Variants in ZNF483 observed in about 807,000 individuals in gnomAD.
ZNF483 encodes the protein zinc finger protein 483.
A neutral mutation model predicts 28.6 loss-of-function variants in ZNF483; 9 were observed. The ratio of observed to expected loss-of-function variants is 0.32; its 90% confidence interval spans 0.19 to 0.55. The LOEUF (loss-of-function observed/expected upper bound fraction) is 0.55, where lower values mean the gene tolerates loss of function less well. ZNF483 is among the 20% of genes least tolerant of loss of function. The pLI is 0.93. For synonymous variants in ZNF483, 322 were observed against 306.2 expected (o/e 1.05, Z -0.54); for missense variants, 675 against 871.7 (o/e 0.77, Z 2.84).
chr9:111,562,032 C>A (rs1828339743), intron 5 of ZNF483, among the ~76,000 whole-genome samples: 1 of 151,882 alleles, frequency 6.6e-6, no homozygotes, highest in Non-Finnish European at 1.5e-5. Context: ...ATTACAGGCA[C>A]CCGCTACCAT....
At chr9:111,534,427 G>T in intron 5 of ZNF483, 74 bp downstream of exon 5, 1 of 1,262,316 alleles carries the variant, frequency 7.9e-7, no homozygotes, top group South Asian at 1.2e-5. Context: ...TCTTTGAAAT[G>T]TTGGGCTGCC....
downstream of ZNF483, among the ~76,000 whole-genome samples, chr9:111,556,018 T>C (rs1027310048): frequency 6.6e-6 from 1 of 152,230 alleles, no homozygotes; most frequent in Non-Finnish European, 1.5e-5. Context: ...TATGAGCCTG[T>C]AAAATCACAA....
At chr9:111,567,111 C>T (rs72748038) in intron 5 of ZNF483, among the ~76,000 whole-genome samples, 4,749 of 150,474 alleles carry the variant, frequency 0.032, 90 homozygotes, top group Non-Finnish European at 0.048. Flanking sequence ...AGTCGGGGGG[C>T]GTGGGATATG....
In ZNF483 at chr9:111,529,016, C is replaced by T. The variant is rs568328357; in HGVS notation, c.412+1209C>T. On this transcript the variant is annotated intron_variant, in intron 2 of 5. Transcript: ENST00000309235. ...AAACTCAGGCAGGTGTGGTGGTGCA[C>T]GCCTGTAATCCCAGCTACTCTGGAG... 3.3e-5 allele frequency among the ~76,000 whole-genome samples: 5 copies of T among 152,136 alleles called. No homozygotes were observed. The South Asian group carries it at 1.0e-3, about 32-fold the overall frequency.
chr9:111,556,687 CTGT>C (rs1024845198), downstream of ZNF483, among the ~76,000 whole-genome samples: 1 of 152,210 alleles, frequency 6.6e-6, no homozygotes, highest in African/African-American at 2.4e-5. Flanking sequence ...GATTTCCCTC[CTGT>C]TGTTCTCATG....
At chr9:111,570,003 G>A in intron 5 of ZNF483, 1 of 1,579,986 alleles carries the variant, frequency 6.3e-7, no homozygotes, top group Non-Finnish European at 8.6e-7. Flanking sequence ...GGCAGAGATG[G>A]GGAAGAATTG....
At chr9:111,560,576 G>A (rs1416276362) in intron 5 of ZNF483, among the ~76,000 whole-genome samples, 1 of 144,214 alleles carries the variant, frequency 6.9e-6, no homozygotes, top group African/African-American at 2.6e-5. Context: ...GGGAGGCGGA[G>A]GTTGCAGTGA....
downstream of ZNF483, among the ~76,000 whole-genome samples, chr9:111,557,985 A>G (rs1251173180): frequency 1.3e-5 from 2 of 152,266 alleles, no homozygotes; most frequent in East Asian, 3.9e-4. Flanking sequence ...TGTCTCTACT[A>G]AAAATACAAA....
At chr9:111,577,391 A>G (rs1314834876) in exon 6 of ZNF483, 1 of 152,184 alleles carries the variant, frequency 6.6e-6, no homozygotes, top group Non-Finnish European at 1.5e-5. Flanking sequence ...CCACTTTGCA[A>G]AACAGTTTGA....
Position 111,544,071 on chromosome 9 carries a change from TTTTTC to T in ZNF483, c.*906_*910del. ...GTATTTTAATCGGACAAGGGAACTC[TTTTTC>T]TTTTGGGCATTGGCCAACAGGACTG... On this transcript the variant is annotated 3_prime_UTR_variant, in exon 6 of 6. Transcript: ENST00000309235. The T allele has an allele frequency of 2.0e-6, 2 of 985,198 alleles. No individual in the cohort carries two copies. Among genetic ancestry groups the T allele is most frequent in the Non-Finnish European group, 2.4e-6 (2 of 829,946 alleles). The allele number at this position is 985,198 out of a possible 1,614,324, so 61.0% of individuals were successfully genotyped here.
rs368827456 is a variant in ZNF483, at chr9:111,561,084, A to AATAT, written c.722-15257_722-15254dup. On this transcript the variant is annotated intron_variant, in intron 5 of 5. Coordinates refer to the ZNF483 transcript ENST00000358151. ...GGCAACAGAGTGAGACTCCATCTAA[A>AATAT]ATATATATATATATATATATATATA... 2.6e-3 allele frequency among the ~76,000 whole-genome samples: 53 copies of AATAT among 20,330 alleles called. 3 individuals carry two copies. Among genetic ancestry groups the AATAT allele is most frequent in the Admixed American group, 3.9e-3 (7 of 1,806 alleles). 13.3% of individuals were successfully genotyped at this position (20,330 alleles called of 152,430 possible). A position where few individuals can be genotyped will look rare whatever the true frequency, so the allele number is the denominator to read the frequency against.
chr9:111,559,046 C>A (rs1410328391), downstream of ZNF483, among the ~76,000 whole-genome samples: 3 of 152,124 alleles, frequency 2.0e-5, no homozygotes, highest in Admixed American at 6.5e-5. Flanking sequence ...GTTAGTCTTT[C>A]CTTCCCAAAG....
In ZNF483 at chr9:111,531,412, C is replaced by T. The variant is rs564283460; in HGVS notation, c.501+449C>T. 4.6e-5 allele frequency among the ~76,000 whole-genome samples: 7 copies of T among 152,068 alleles called. No individual in the cohort carries two copies. The East Asian group carries it at 7.7e-4, about 17-fold the overall frequency. On this transcript the variant is annotated intron_variant, in intron 3 of 5. Transcript: ENST00000309235. The stretch of plus-strand genomic sequence containing the variant: ...TCTTTCTTGAGACAGAGTTTTACTC[C>T]GTTGCCCAGGCTGGAGTGCGGTGGC...
intron 5 of ZNF483, among the ~76,000 whole-genome samples, chr9:111,568,096 C>T (rs959646401): frequency 2.0e-5 from 3 of 152,164 alleles, no homozygotes; most frequent in East Asian, 3.9e-4. Context: ...AGAATAACAG[C>T]GATTTTCAGG....
At position 111,541,348 on chromosome 9, in the gene ZNF483, C is replaced by G. The variant is rs573582238; in HGVS notation, c.722-309C>G. ...TCATGATCTCCCTGCCTTGGCCTCC[C>G]AAAGTGCTGAGATTACAGGCATGAG... is the stretch of plus-strand genomic sequence containing the variant. On this transcript the variant is annotated intron_variant, in intron 5 of 5. Coordinates refer to ENST00000309235, the MANE Select transcript of ZNF483 (RefSeq NM_133464.5). 3.9e-5 allele frequency among the ~76,000 whole-genome samples: 6 copies of G among 152,236 alleles called. No homozygotes were observed. The East Asian group carries it at 1.2e-3, about 29-fold the overall frequency.
intron 5 of ZNF483, chr9:111,564,220 C>G (rs551128537): frequency 1.9e-6 from 2 of 1,079,364 alleles, no homozygotes; most frequent in East Asian, 1.8e-4. Context: ...GATTTATAGA[C>G]AAGATTATTT....
chr9:111,528,638 A>G (rs1428412864), intron 2 of ZNF483, among the ~76,000 whole-genome samples: 8 of 152,132 alleles, frequency 5.3e-5, no homozygotes, highest in Non-Finnish European at 1.5e-5. Flanking sequence ...TATATTATTT[A>G]CCATAGGGCT....
downstream of ZNF483, among the ~76,000 whole-genome samples, chr9:111,560,012 A>G (rs1010032825): frequency 5.3e-5 from 8 of 152,198 alleles, no homozygotes; most frequent in African/African-American, 1.9e-4. Flanking sequence ...GGCAGAATTG[A>G]TCAATAGAAT....
rs555402321 is a variant in ZNF483 at position 111,531,716 on chromosome 9, A to C, written c.501+753A>C. On this transcript the variant is annotated intron_variant, in intron 3 of 5. Coordinates refer to ENST00000309235, the MANE Select transcript of ZNF483 (RefSeq NM_133464.5). ...TTAAGAGATGGGGTCTTGTTCTGTC[A>C]TCTAGGCTGGAGTGGAGTGCAGTGG... Among the ~76,000 whole-genome samples, 7 of 151,988 alleles carry C rather than the reference A, an allele frequency of 4.6e-5. No individual in the cohort carries two copies. In the South Asian group the frequency reaches 1.5e-3, roughly 32 times the overall value.
Sources: allele counts gnomAD v4.1 joint callset (sites outside exome capture counted in the v4.1 genomes callset), GRCh38; gene constraint gnomAD v4.1.1; transcripts MANE v1.5; gene names NCBI Gene and HGNC (gene_info 2026-07-23, HGNC 2026-07-21).